CPLANE1: variants seen among roughly 807,000 people sequenced by gnomAD.
The protein encoded by CPLANE1 is ciliogenesis and planar polarity effector 1.
CPLANE1 carries 263 observed loss-of-function variants against 362.5 expected under a neutral mutation model. That is an observed-to-expected ratio of 0.73 (90% CI 0.66 to 0.80). The LOEUF (loss-of-function observed/expected upper bound fraction) is 0.80. Among genes scored for constraint, CPLANE1 ranks in the 30% least tolerant of loss-of-function variants. The pLI is 0.00. For synonymous variants in CPLANE1, 1,212 were observed against 1,302.6 expected (o/e 0.93, Z 1.50); for missense variants, 3,461 against 3,793.4 (o/e 0.91, Z 2.30).
intron 19 of CPLANE1, 40 bp downstream of exon 19, chr5:37,201,551 C>T (rs770215033): frequency 4.7e-6 from 7 of 1,486,038 alleles, no homozygotes; most frequent in Non-Finnish European, 6.5e-6. Context: ...TTGACAAAAT[C>T]AACTTTAAAT....
chr5:37,106,996 C>G lies in CPLANE1; in HGVS notation c.*606G>C. The G allele has an allele frequency of 1.0e-6, 1 of 985,422 alleles. No individual in the cohort carries two copies. Among genetic ancestry groups the G allele is most frequent in the Non-Finnish European group, 1.2e-6 (1 of 829,940 alleles). 61.0% of individuals were successfully genotyped at this position (985,422 alleles called of 1,614,324 possible). A position where few individuals can be genotyped will look rare whatever the true frequency, so the allele number is the denominator to read the frequency against. Reference sequence around the variant, plus strand: ...TCCCTTACTTTCCTGCCCAAAGCATCCATTCCTGTTTCTTCCTCCAAGGCT... The same window carrying G: ...TCCCTTACTTTCCTGCCCAAAGCATGCATTCCTGTTTCTTCCTCCAAGGCT... On this transcript the variant is annotated 3_prime_UTR_variant, in exon 53 of 53. Coordinates refer to ENST00000651892, the MANE Select transcript of CPLANE1 (RefSeq NM_001384732.1).
chr5:37,189,729 T>C (rs533141588), intron 21 of CPLANE1, among the ~76,000 whole-genome samples: 79 of 152,310 alleles, frequency 5.2e-4, no homozygotes, highest in Middle Eastern at 6.8e-3. Context: ...CCGGGCACAG[T>C]GGCTCATGCC....
chr5:37,116,997 C>T (rs1012834957), intron 50 of CPLANE1, among the ~76,000 whole-genome samples: 1 of 152,162 alleles, frequency 6.6e-6, no homozygotes, highest in African/African-American at 2.4e-5. Flanking sequence ...GGAGCCACAG[C>T]CTGTTCTACT....
rs1212118133 is a variant in CPLANE1, at chr5:37,209,703, C to T, written c.2921-3278G>A. The stretch of plus-strand genomic sequence containing the variant: ...ATTTACTATGCAGGATCTATTACAA[C>T]TCATTAAAATCAACCCTACTTCCAG... On this transcript the variant is annotated intron_variant, in intron 16 of 52. Transcript: ENST00000651892. This position sits in a 1 kb window ranked among gnomAD's most constrained non-coding sequence, Gnocchi z 4.6. 1.6e-6 allele frequency: 2 copies of T among 1,250,544 alleles called. No homozygotes were observed. Among genetic ancestry groups the T allele is most frequent in the Admixed American group, 3.4e-5 (2 of 59,314 alleles). The allele number at this position is 1,250,544 out of a possible 1,614,324, so 77.5% of individuals were successfully genotyped here.
At chr5:37,197,395 G>A (rs546672227) in intron 20 of CPLANE1, among the ~76,000 whole-genome samples, 2 of 152,260 alleles carry the variant, frequency 1.3e-5, no homozygotes, top group African/African-American at 4.8e-5. Flanking sequence ...GGTACTAAGA[G>A]GTAGAGAGAG....
chr5:37,124,926 T>A (rs1763734797), intron 47 of CPLANE1: 1 of 1,081,376 alleles, frequency 9.2e-7, no homozygotes. Flanking sequence ...TGCCAATGAC[T>A]CTCATTGAAA....
intron 42 of CPLANE1, among the ~76,000 whole-genome samples, chr5:37,151,900 G>A (rs1300942680): frequency 2.0e-5 from 3 of 151,694 alleles, no homozygotes; most frequent in Non-Finnish European, 4.4e-5. Flanking sequence ...AAAAAAAAGA[G>A]GAAAACCACC....
At chr5:37,133,487 T>C (rs1184274067) in intron 46 of CPLANE1, among the ~76,000 whole-genome samples, 2 of 150,414 alleles carry the variant, frequency 1.3e-5, no homozygotes, top group African/African-American at 4.9e-5. Flanking sequence ...CTCTCACCTC[T>C]TTGGTTAGAG....
rs775263897 is a variant in CPLANE1 at position 37,148,216 on chromosome 5, GT to G, written c.8425del (p.Thr2809HisfsTer2). On this transcript the variant is annotated frameshift_variant, in exon 43 of 53. Coordinates refer to ENST00000651892, the MANE Select transcript of CPLANE1 (RefSeq NM_001384732.1). LOFTEE classifies it high-confidence loss of function. Reference protein sequence around the residue: ...EFSSGPEFKKTLASKTISISE... With the variant: ...EFSSGPEFKKXLASKTISISE... ...AATGCTAATGGTTTTTGAAGCTAAT[GT>G]TTTTTTGAATTCAGGGCCAGAAGAG... The G allele has an allele frequency of 7.4e-6, 12 of 1,612,678 alleles. No individual in the cohort carries two copies. Among genetic ancestry groups the G allele is most frequent in the South Asian group, 1.1e-5 (1 of 90,782 alleles).
intron 28 of CPLANE1, 53 bp from the exon 29 acceptor site, chr5:37,179,496 T>C (rs1226893227): frequency 1.6e-6 from 2 of 1,259,982 alleles, no homozygotes; most frequent in African/African-American, 3.0e-5. Flanking sequence ...AATAAGCTAT[T>C]GACTTTTTAG....
At chr5:37,177,814 G>C in intron 29 of CPLANE1, 114 bp from the exon 30 acceptor site, 1 of 765,430 alleles carries the variant, frequency 1.3e-6, no homozygotes, top group Non-Finnish European at 2.2e-6. Flanking sequence ...CAGTCTACAA[G>C]CAAGTGAGAA....
intron 42 of CPLANE1, among the ~76,000 whole-genome samples, chr5:37,153,346 A>G (rs986775387): frequency 6.6e-6 from 1 of 152,216 alleles, no homozygotes; most frequent in African/African-American, 2.4e-5. Flanking sequence ...AAGAGAGGGT[A>G]ATATTTTCCA....
At chr5:37,226,253 G>C in intron 12 of CPLANE1, 51 bp downstream of exon 12, 1 of 1,253,366 alleles carries the variant, frequency 8.0e-7, no homozygotes, top group Non-Finnish European at 1.1e-6. Flanking sequence ...TTCTAAAAAA[G>C]TAAAAAAAAC....
At chr5:37,210,441 G>GACT in intron 16 of CPLANE1, 1 of 1,032,174 alleles carries the variant, frequency 9.7e-7, no homozygotes, top group Non-Finnish European at 1.5e-6. Context: ...ACTAAAGGAC[G>GACT]ACTACATCAT....
chr5:37,240,934 G>C (rs376809846), intron 6 of CPLANE1, among the ~76,000 whole-genome samples: 1 of 152,012 alleles, frequency 6.6e-6, no homozygotes, highest in Non-Finnish European at 1.5e-5. Flanking sequence ...TCAGGAGTTC[G>C]AGACCAGCCT....
At chr5:37,248,490 CAG>C (rs1258035188) in intron 1 of CPLANE1, among the ~76,000 whole-genome samples, 1 of 150,980 alleles carries the variant, frequency 6.6e-6, no homozygotes, top group Non-Finnish European at 1.5e-5. Context: ...AAAAACTACT[CAG>C]AGACAGCACA....
chr5:37,200,784 G>GA (rs374548036), intron 19 of CPLANE1, among the ~76,000 whole-genome samples: 88 of 147,376 alleles, frequency 6.0e-4, no homozygotes, highest in African/African-American at 1.6e-3. Context: ...AATAGTGTAG[G>GA]AAAAAAAAAA....
chr5:37,234,900 T>C (rs549828650), intron 8 of CPLANE1, among the ~76,000 whole-genome samples: 1 of 152,298 alleles, frequency 6.6e-6, no homozygotes, highest in African/African-American at 2.4e-5. Flanking sequence ...CGTTGTTCTG[T>C]GGTATCAACT....
At chr5:37,210,669 G>A (rs1049878644) in intron 16 of CPLANE1, 43 of 1,559,008 alleles carry the variant, frequency 2.8e-5, no homozygotes, top group Non-Finnish European at 3.4e-5. Context: ...AGTGATGAGT[G>A]ACTATTCACT....
Sources: gnomAD v4.1 joint callset for allele counts (sites outside exome capture counted in the v4.1 genomes callset) on GRCh38, gnomAD v4.1.1 for gene constraint, Gnocchi (gnomAD v3.1) non-coding constraint, MANE v1.5 for transcripts, NCBI Gene and HGNC (gene_info 2026-07-23, HGNC 2026-07-21) for gene names.